The following LHX3 variants were observed in gnomAD, a reference collection of about 807,000 sequenced individuals.
LHX3 encodes the protein LIM/homeobox protein Lhx3.
LHX3 carries 21 observed loss-of-function variants against 32.4 expected under a neutral mutation model. The ratio of observed to expected loss-of-function variants is 0.65; its 90% CI spans 0.46 to 0.93. LHX3 has a LOEUF of 0.93. Ranked by LOEUF, LHX3 falls within the 40% of genes least tolerant of loss-of-function variation. LHX3 has a pLI of 0.00. For missense variants in LHX3, 626 were observed against 560.0 expected (o/e 1.12, Z -1.19); for synonymous variants, 258 against 246.8 (o/e 1.05, Z -0.43).
chr9:136,200,611 C>T lies in LHX3; in HGVS notation c.222G>A (p.Glu74=). 1.2e-6 allele frequency: 2 copies of T among 1,613,544 alleles called. No individual in the cohort carries two copies. The highest frequency in any genetic ancestry group is 2.7e-5 in the African/African-American group (2 of 75,074). Residue 74 remains glutamate, a synonymous_variant, in exon 2 of 6, where the codon GAG becomes GAA. Transcript: ENST00000371748. ...PLAERCFSRG[E]SVYCKDDFFK... ...AAAAGTCGTCCTTGCAGTAAACGCT[C>T]TCCCCTCGGCTGAAGCAGCGCTCGG... is the stretch of plus-strand genomic sequence containing the variant.
In LHX3 at chr9:136,197,468, C is replaced by T. The variant is rs1422658066; in HGVS notation, c.1051G>A (p.Ala351Thr). The change falls in exon 6 of 6, where the codon GCC (alanine) becomes ACC (threonine). Residue 351 changes from alanine to threonine, a missense_variant. Transcript: ENST00000371748. ...CTCATGGGTGGGGGCCCGCCGGGGGCTCCCGAGGGCACAAGGCCCAAGCTG... is the reference window on the plus strand; with the variant it reads ...CTCATGGGTGGGGGCCCGCCGGGGGTTCCCGAGGGCACAAGGCCCAAGCTG... Reference protein sequence around the residue: ...DTSLGLVPSGAPGGPPPMRVL... With the variant: ...DTSLGLVPSGTPGGPPPMRVL... 6.4e-7 allele frequency: 1 copy of T among 1,572,800 alleles called. No individual in the cohort carries two copies. Among genetic ancestry groups the T allele is most frequent in the Non-Finnish European group, 8.6e-7 (1 of 1,160,046 alleles).
At chr9:136,200,903 C>A (rs1831625769) in intron 1 of LHX3, 150 bp from the exon 2 acceptor site, 1 of 1,021,468 alleles carries the variant, frequency 9.8e-7, no homozygotes, top group African/African-American at 1.6e-5. Flanking sequence ...TCTTCCCCAG[C>A]CAGCTTAAGT....
chr9:136,202,325 G>C (rs12378344), intron 1 of LHX3, among the ~76,000 whole-genome samples: 73,583 of 151,908 alleles, frequency 0.48, 17,915 homozygotes, highest in Middle Eastern at 0.53. Flanking sequence ...TGCGGCTCCA[G>C]CTGGCCCGGG....
chr9:136,200,498 C>T (rs1831613217), intron 2 of LHX3, 84 bp downstream of exon 2: 8 of 1,446,240 alleles, frequency 5.5e-6, no homozygotes, highest in Non-Finnish European at 7.6e-6. Context: ...CTTCGAGGGC[C>T]TGGCCTTGGT....
intron 3 of LHX3, 137 bp downstream of exon 3, chr9:136,199,541 G>A (rs966163316): frequency 7.5e-6 from 7 of 935,950 alleles, no homozygotes; most frequent in Admixed American, 2.0e-5. Flanking sequence ...TCGGCTTCCT[G>A]CTGCCTACAC....
chr9:136,205,024 G>C lies in LHX3; in HGVS notation c.-12C>G. On this transcript the variant is annotated 5_prime_UTR_variant, in exon 1 of 6. Coordinates refer to ENST00000371748, the MANE Select transcript of LHX3 (RefSeq NM_178138.6). Reference sequence around the variant, plus strand: ...GTTTCCAGCAGCATCGCGGCCACCAGGCCGAGTGGCGCGAGACGCGCTCCT... The same window carrying C: ...GTTTCCAGCAGCATCGCGGCCACCACGCCGAGTGGCGCGAGACGCGCTCCT... 1 of 1,569,718 alleles carries C rather than the reference G, an allele frequency of 6.4e-7. No homozygotes were observed. Among genetic ancestry groups the C allele is most frequent in the Non-Finnish European group, 8.6e-7 (1 of 1,163,432 alleles).
intron 1 of LHX3, chr9:136,202,846 G>A (rs1000002321): frequency 7.9e-6 from 11 of 1,388,410 alleles, no homozygotes; most frequent in Non-Finnish European, 1.1e-5. Context: ...GCCCACTCCC[G>A]CCCAGATCCT....
intron 2 of LHX3, chr9:136,200,085 G>T (rs1381101562): frequency 1.5e-6 from 1 of 686,872 alleles, no homozygotes; most frequent in South Asian, 1.6e-5. Context: ...GAAAGACCTC[G>T]GGGAGCCCAG....
rs539524956 is a variant in LHX3 at position 136,199,610 on chromosome 9, C to A, written c.454+68G>T. On this transcript the variant is annotated intron_variant, in intron 3 of 5. Transcript: ENST00000371748. Reference sequence around the variant, plus strand: ...GGGAGAGAATTTCCCCGGACGCCCCCCTGGGCGTGGCCTCAGCCCCATTTT... The same window carrying A: ...GGGAGAGAATTTCCCCGGACGCCCCACTGGGCGTGGCCTCAGCCCCATTTT... The A allele has an allele frequency of 6.2e-4, 948 of 1,538,414 alleles. 4 individuals are homozygous for A. The highest frequency in any genetic ancestry group is 1.9e-3 in the Admixed American group (115 of 59,866).
chr9:136,202,520 C>T (rs914159866), intron 1 of LHX3, among the ~76,000 whole-genome samples: 1 of 152,194 alleles, frequency 6.6e-6, no homozygotes, highest in Non-Finnish European at 1.5e-5. Context: ...GACCGACGGT[C>T]GGAGTTCAGC....
Position 136,199,889 on chromosome 9 carries a change from C to A in LHX3, c.252-9G>T, listed in dbSNP as rs1235268566. The A allele has an allele frequency of 6.3e-7, 1 of 1,574,984 alleles. No homozygotes were observed. The highest frequency in any genetic ancestry group is 8.6e-7 in the Non-Finnish European group (1 of 1,161,022). ...ACTTGGTCCCGAAGCGCCTGCGGGA[C>A]GCACAGGGCCGGGCTCAGCGCGGAA... On this transcript the variant is annotated splice_polypyrimidine_tract_variant and intron_variant, in intron 2 of 5. Coordinates refer to ENST00000371748, the MANE Select transcript of LHX3 (RefSeq NM_178138.6).
At chr9:136,202,583 C>T (rs760196371) in intron 1 of LHX3, among the ~76,000 whole-genome samples, 1 of 152,166 alleles carries the variant, frequency 6.6e-6, no homozygotes, top group East Asian at 1.9e-4. Flanking sequence ...GGAAAGAGTC[C>T]GGCTGGGGCG....
chr9:136,200,599 G>C lies in LHX3; in HGVS notation c.234C>G (p.Cys78Trp), dbSNP rs1223856037. 3 of 1,613,496 alleles carry C rather than the reference G, an allele frequency of 1.9e-6. No homozygotes were observed. Among genetic ancestry groups the C allele is most frequent in the Admixed American group, 1.7e-5 (1 of 60,026 alleles). ...GGGCTCACTTGAAAAAGTCGTCCTT[G>C]CAGTAAACGCTCTCCCCTCGGCTGA... ...RCFSRGESVY[C>W]KDDFFKRFGT... The change falls in exon 2 of 6, where the codon TGC becomes TGG. Residue 78 changes from cysteine (C) to tryptophan (W), a missense_variant. Coordinates refer to ENST00000371748, the MANE Select transcript of LHX3 (RefSeq NM_178138.6).
chr9:136,202,615 T>A (rs1028151584), intron 1 of LHX3, among the ~76,000 whole-genome samples: 1 of 151,934 alleles, frequency 6.6e-6, no homozygotes, highest in Non-Finnish European at 1.5e-5. Flanking sequence ...GACCCTCCTG[T>A]CCCGTGGTCA....
chr9:136,199,131 G>GC, intron 3 of LHX3, 72 bp from the exon 4 acceptor site: 1 of 876,798 alleles, frequency 1.1e-6, no homozygotes, highest in Non-Finnish European at 1.5e-6. Flanking sequence ...CTCCCACCCC[G>GC]GCCGGCGCGG....
intron 1 of LHX3, among the ~76,000 whole-genome samples, chr9:136,203,546 C>T (rs202020410): frequency 1.7e-4 from 26 of 152,206 alleles, no homozygotes; most frequent in Non-Finnish European, 1.5e-5. Context: ...AGCAGATGGT[C>T]GGCGGGAGCT....
rs1831491735 is a variant in LHX3, at chr9:136,196,445, C to T, written c.*880G>A. 1 of 152,590 alleles carries T rather than the reference C, an allele frequency of 6.6e-6. No homozygotes were observed. The allele number at this position is 152,590 out of a possible 1,614,324, so 9.5% of individuals were successfully genotyped here. A position where few individuals can be genotyped will look rare whatever the true frequency, so the allele number is the denominator to read the frequency against. ...CGGGCATCTCCCAGAAACTTCTTCCCAAAGGATCTGATGGAGGAGGCAGGG... is the reference window on the plus strand; with the variant it reads ...CGGGCATCTCCCAGAAACTTCTTCCTAAAGGATCTGATGGAGGAGGCAGGG... On this transcript the variant is annotated 3_prime_UTR_variant, in exon 6 of 6. Coordinates refer to ENST00000371748, the MANE Select transcript of LHX3 (RefSeq NM_178138.6).
chr9:136,202,242 C>G (rs1450065487), intron 1 of LHX3, among the ~76,000 whole-genome samples: 1 of 152,206 alleles, frequency 6.6e-6, no homozygotes, highest in Admixed American at 6.5e-5. Flanking sequence ...GCCCCCACAG[C>G]CTGGATGTAA....
intron 1 of LHX3, chr9:136,201,071 G>T: frequency 7.8e-7 from 1 of 1,274,340 alleles, no homozygotes; most frequent in Non-Finnish European, 1.0e-6. Flanking sequence ...TGCCAAGAAG[G>T]GTGCATGTGG....
Sources: allele counts gnomAD v4.1 joint callset (sites outside exome capture counted in the v4.1 genomes callset), GRCh38; gene constraint gnomAD v4.1.1; transcripts MANE v1.5; gene names NCBI Gene and HGNC (gene_info 2026-07-23, HGNC 2026-07-21).